The following CAPS2 variants were observed in gnomAD, a reference collection of about 807,000 sequenced individuals.
CAPS2 encodes the protein calcyphosin-2.
CAPS2 carries 98 observed loss-of-function variants against 86.5 expected under a neutral mutation model. That is an observed-to-expected ratio of 1.13 (90% CI 0.96 to 1.34). CAPS2 has a LOEUF of 1.34. CAPS2 is among the 40% of genes most tolerant of loss of function. CAPS2 has a pLI of 0.00. For synonymous variants in CAPS2, 210 were observed against 225.1 expected (o/e 0.93, Z 0.60); for missense variants, 729 against 686.8 (o/e 1.06, Z -0.69).
intron 1 of CAPS2, among the ~76,000 whole-genome samples, chr12:75,368,983 T>C (rs1165458004): frequency 1.3e-5 from 2 of 152,152 alleles, no homozygotes; most frequent in Non-Finnish European, 2.9e-5. Flanking sequence ...GTTTCATTTA[T>C]GTTCTATGAC....
chr12:75,282,690 C>A (rs998886044), intron 15 of CAPS2, among the ~76,000 whole-genome samples: 4 of 152,064 alleles, frequency 2.6e-5, no homozygotes, highest in Non-Finnish European at 1.5e-5. Flanking sequence ...TCCGGCCTGG[C>A]AAATGTTATT....
At chr12:75,290,296 T>A (rs566258312) in intron 13 of CAPS2, among the ~76,000 whole-genome samples, 65 of 152,336 alleles carry the variant, frequency 4.3e-4, no homozygotes, top group African/African-American at 1.5e-3. Flanking sequence ...TATCCTATAC[T>A]TATATATTTC....
intron 1 of CAPS2, among the ~76,000 whole-genome samples, chr12:75,357,778 A>AATC (rs2043248619): frequency 6.6e-6 from 1 of 152,022 alleles, no homozygotes; most frequent in Admixed American, 6.6e-5. Flanking sequence ...AGAATAACTC[A>AATC]AAAAAGAAGT....
At chr12:75,331,674 C>T (rs1037307983), upstream of CAPS2, among the ~76,000 whole-genome samples, 1 of 151,202 alleles carries the variant, frequency 6.6e-6, no homozygotes, top group African/African-American at 2.4e-5. Context: ...CGCCATTCTC[C>T]TGCCTCAGCC....
chr12:75,329,758 A>T, upstream of CAPS2: 1 of 1,319,978 alleles, frequency 7.6e-7, no homozygotes, highest in Non-Finnish European at 1.0e-6. Context: ...TCCTAATTTC[A>T]AGCAAAACAG....
chr12:75,318,492 C>T (rs577620722), intron 5 of CAPS2, among the ~76,000 whole-genome samples: 139 of 152,254 alleles, frequency 9.1e-4, no homozygotes, highest in African/African-American at 3.2e-3. Flanking sequence ...TTACCAACCT[C>T]CTTCCTTCTC....
At chr12:75,288,350 G>T (rs2035266126) in intron 14 of CAPS2, among the ~76,000 whole-genome samples, 1 of 152,150 alleles carries the variant, frequency 6.6e-6, no homozygotes, top group Non-Finnish European at 1.5e-5. Flanking sequence ...AGATTCCCAT[G>T]TAATTTTCTT....
chr12:75,328,482 T>A (rs2040995186), upstream of CAPS2, among the ~76,000 whole-genome samples: 1 of 152,188 alleles, frequency 6.6e-6, no homozygotes, highest in Non-Finnish European at 1.5e-5. Flanking sequence ...TCACTGTCAT[T>A]AGATTTTCTT....
At chr12:75,276,985 A>G (rs1481189432), downstream of CAPS2, 14 of 984,436 alleles carry the variant, frequency 1.4e-5, no homozygotes, top group Admixed American at 6.2e-5. Flanking sequence ...ACTAAATAAC[A>G]GATTTTACTA....
upstream of CAPS2, among the ~76,000 whole-genome samples, chr12:75,326,966 G>A (rs888372459): frequency 2.0e-5 from 3 of 152,118 alleles, 1 homozygote; most frequent in African/African-American, 7.2e-5. Flanking sequence ...TTCTGAAGAT[G>A]GAGGAAGAGG....
At chr12:75,286,550 A>T in intron 14 of CAPS2, among the ~76,000 whole-genome samples, 1 of 151,820 alleles carries the variant, frequency 6.6e-6, no homozygotes, top group East Asian at 1.9e-4. Flanking sequence ...TCTTTCTTTC[A>T]AAGATACAGT....
intron 1 of CAPS2, among the ~76,000 whole-genome samples, chr12:75,380,935 T>C (rs1170094123): frequency 6.6e-6 from 1 of 152,226 alleles, no homozygotes; most frequent in Non-Finnish European, 1.5e-5. Flanking sequence ...ATACTTCATA[T>C]TGACCTAATG....
intron 1 of CAPS2, among the ~76,000 whole-genome samples, chr12:75,383,390 A>T (rs906249355): frequency 1.1e-4 from 16 of 152,200 alleles, no homozygotes; most frequent in Non-Finnish European, 1.8e-4. Context: ...TAGCTATATT[A>T]ATTTTGGCTG....
At chr12:75,344,287 T>C (rs4882688) in intron 1 of CAPS2, among the ~76,000 whole-genome samples, 142,750 of 152,066 alleles carry the variant, frequency 0.94, 67,124 homozygotes, top group East Asian at 1. Flanking sequence ...TTGAAGTTCT[T>C]CCCACATAAA....
chr12:75,309,566 G>T (rs2038922606), intron 7 of CAPS2, among the ~76,000 whole-genome samples: 1 of 152,112 alleles, frequency 6.6e-6, no homozygotes, highest in African/African-American at 2.4e-5. Flanking sequence ...AAGAATAAAT[G>T]AGTAGACATT....
exon 10 of CAPS2, chr12:75,298,888 T>C: frequency 6.2e-7 from 1 of 1,610,908 alleles, no homozygotes; most frequent in South Asian, 1.1e-5. Context: ...TCCCAAATTG[T>C]CGATATTCAT....
At chr12:75,323,342 A>G (rs1192288036) in intron 2 of CAPS2, 120 bp from the exon 4 acceptor site, 2 of 712,478 alleles carry the variant, frequency 2.8e-6, no homozygotes, top group African/African-American at 1.8e-5. Flanking sequence ...CATGGCTTCT[A>G]CTGGCTTGTG....
intron 1 of CAPS2, chr12:75,366,867 A>G (rs1182722379): frequency 8.6e-6 from 6 of 701,230 alleles, no homozygotes; most frequent in African/African-American, 1.7e-5. Context: ...GAGTCTTTTA[A>G]AACTAATTTT....
At chr12:75,336,251 T>C (rs1034014924) in intron 1 of CAPS2, among the ~76,000 whole-genome samples, 2 of 151,810 alleles carry the variant, frequency 1.3e-5, no homozygotes, top group African/African-American at 4.8e-5. Flanking sequence ...AATACTAAAG[T>C]CCTTGATTAA....
Sources: gnomAD v4.1 joint callset for allele counts (sites outside exome capture counted in the v4.1 genomes callset) on GRCh38, gnomAD v4.1.1 for gene constraint, MANE v1.5 for transcripts, NCBI Gene and HGNC (gene_info 2026-07-23, HGNC 2026-07-21) for gene names.